Variants in ZFAT observed in about 807,000 individuals in gnomAD.
The protein encoded by ZFAT is zinc finger and AT-hook domain containing.
A neutral mutation model predicts 117.7 loss-of-function variants in ZFAT; 64 were observed. The observed-to-expected ratio is 0.54, with a 90% CI of 0.44 to 0.67. The LOEUF (loss-of-function observed/expected upper bound fraction) is 0.67. Among genes scored for constraint, ZFAT ranks in the 30% least tolerant of loss-of-function variants. The pLI, the probability that ZFAT is intolerant of heterozygous loss-of-function variation, is 0.00. For missense variants in ZFAT, 1,433 were observed against 1,584.5 expected (o/e 0.90, Z 1.62); for synonymous variants, 679 against 615.0 (o/e 1.10, Z -1.54).
the ZFAT span, among the ~76,000 whole-genome samples, chr8:134,739,315 GTGTA>G: frequency 8.0e-6 from 1 of 125,642 alleles, no homozygotes; most frequent in African/African-American, 3.1e-5. Context: ...GTGTGTGTGT[GTGTA>G]CACATGCATG....
chr8:134,605,379 T>C (rs1216524833), intron 5 of ZFAT, among the ~76,000 whole-genome samples: 1 of 152,040 alleles, frequency 6.6e-6, no homozygotes, highest in Non-Finnish European at 1.5e-5. Context: ...ACCCCGTCTC[T>C]ACTAAAAATA....
chr8:134,600,281 G>T, intron 7 of ZFAT, 155 bp downstream of exon 7: 1 of 719,434 alleles, frequency 1.4e-6, no homozygotes, highest in East Asian at 2.5e-5. Flanking sequence ...AAGGAACCTG[G>T]GAAGCCTCTG....
chr8:134,662,636 G>A (rs1831989213), intron 1 of ZFAT, among the ~76,000 whole-genome samples: 1 of 152,234 alleles, frequency 6.6e-6, no homozygotes, highest in African/African-American at 2.4e-5. Flanking sequence ...GGTGACAATG[G>A]CCACCGCCAA....
the ZFAT span, among the ~76,000 whole-genome samples, chr8:134,721,509 C>T: frequency 6.6e-6 from 1 of 152,210 alleles, no homozygotes; most frequent in Non-Finnish European, 1.5e-5. Flanking sequence ...AGTGCACATA[C>T]ATGATTCATC....
the ZFAT span, among the ~76,000 whole-genome samples, chr8:134,815,238 C>T: frequency 6.6e-6 from 1 of 152,194 alleles, no homozygotes; most frequent in Non-Finnish European, 1.5e-5. Context: ...CCACAAAGCA[C>T]TATTTTTGAA....
intron 15 of ZFAT, among the ~76,000 whole-genome samples, chr8:134,494,856 G>C (rs1818316661): frequency 6.6e-6 from 1 of 152,130 alleles, no homozygotes; most frequent in South Asian, 2.1e-4. Flanking sequence ...TTCTTGTTTT[G>C]AGCACCAGTG....
chr8:134,672,099 A>T (rs140336336), intron 1 of ZFAT, among the ~76,000 whole-genome samples: 2,036 of 117,630 alleles, frequency 0.017, no homozygotes, highest in South Asian at 0.037. Flanking sequence ...TCAAGGAAAT[A>T]AAAGAGGATA....
intron 1 of ZFAT, among the ~76,000 whole-genome samples, chr8:134,664,351 A>G (rs1415335212): frequency 6.6e-6 from 1 of 152,138 alleles, no homozygotes; most frequent in Non-Finnish European, 1.5e-5. Context: ...AGTAAAGAAC[A>G]TACAGCCACA....
At chr8:134,496,196 G>A (rs997665591) in intron 15 of ZFAT, among the ~76,000 whole-genome samples, 1 of 152,224 alleles carries the variant, frequency 6.6e-6, no homozygotes, top group Admixed American at 6.5e-5. Flanking sequence ...GCATACAACA[G>A]CCCCTTGGAG....
intron 11 of ZFAT, among the ~76,000 whole-genome samples, chr8:134,558,269 C>T (rs1196012324): frequency 6.6e-6 from 1 of 152,208 alleles, no homozygotes; most frequent in Non-Finnish European, 1.5e-5. Context: ...CCAGCACTTC[C>T]TCCCCAGGAA....
chr8:134,562,245 C>T (rs1824105321), intron 11 of ZFAT, among the ~76,000 whole-genome samples: 1 of 152,096 alleles, frequency 6.6e-6, no homozygotes, highest in South Asian at 2.1e-4. Context: ...TTCCCAGAAC[C>T]TCTAGAAAAA....
intron 15 of ZFAT, among the ~76,000 whole-genome samples, chr8:134,489,648 C>A (rs1440601551): frequency 6.6e-6 from 1 of 152,192 alleles, no homozygotes; most frequent in African/African-American, 2.4e-5. Context: ...CAGGAGGGCT[C>A]TTCTCTCTCC....
Position 134,690,723 on chromosome 8 carries a change from T to C in ZFAT, c.19+22122A>G, listed in dbSNP as rs555825987. The stretch of plus-strand genomic sequence containing the variant: ...ACCCATCCCCAGCCTACCAAAATGA[T>C]CTGGCCCATTTTTCCTGGTAACCAA... On this transcript the variant is annotated intron_variant, in intron 1 of 15. Transcript: ENST00000377838. Among the ~76,000 whole-genome samples, 28 of 152,308 alleles carry C rather than the reference T, an allele frequency of 1.8e-4. No homozygotes were observed. The South Asian group carries it at 5.8e-3, about 32-fold the overall frequency.
At chr8:134,774,952 A>G in the ZFAT span, among the ~76,000 whole-genome samples, 1 of 152,256 alleles carries the variant, frequency 6.6e-6, no homozygotes, top group East Asian at 1.9e-4. Flanking sequence ...CCCCATCTCT[A>G]CTAAAAAATA....
chr8:134,731,451 T>C, the ZFAT span, among the ~76,000 whole-genome samples: 1 of 152,246 alleles, frequency 6.6e-6, no homozygotes, highest in Non-Finnish European at 1.5e-5. Context: ...GATAGTATTT[T>C]CAGCTTTGCA....
intron 13 of ZFAT, among the ~76,000 whole-genome samples, chr8:134,519,095 G>A (rs1458237282): frequency 6.6e-6 from 1 of 152,110 alleles, no homozygotes; most frequent in Non-Finnish European, 1.5e-5. Context: ...GGGTTTCCTA[G>A]TTAATTGTAC....
chr8:134,776,440 C>T, the ZFAT span, among the ~76,000 whole-genome samples: 1 of 152,164 alleles, frequency 6.6e-6, no homozygotes, highest in African/African-American at 2.4e-5. Context: ...GTAGCTGGGA[C>T]CACAGGCACG....
At chr8:134,637,114 A>G (rs114281722) in intron 3 of ZFAT, among the ~76,000 whole-genome samples, 274 of 152,320 alleles carry the variant, frequency 1.8e-3, no homozygotes, top group African/African-American at 6.2e-3. Flanking sequence ...TCCTGCTGAC[A>G]ATTTGTTATC....
chr8:134,513,416 G>C (rs66862731), intron 13 of ZFAT, among the ~76,000 whole-genome samples: 32,269 of 152,042 alleles, frequency 0.21, 3,646 homozygotes, highest in Non-Finnish European at 0.25. Context: ...GGATGGTCTC[G>C]ATCTCCTGAG....
Sources: allele counts gnomAD v4.1 joint callset (sites outside exome capture counted in the v4.1 genomes callset), GRCh38; gene constraint gnomAD v4.1.1; transcripts MANE v1.5; gene names NCBI Gene and HGNC (gene_info 2026-07-23, HGNC 2026-07-21).